The following GMDS variants were observed in gnomAD, a reference collection of about 807,000 sequenced individuals.
The protein encoded by GMDS is GDP-mannose 4,6 dehydratase.
In GMDS, 20 loss-of-function variants were observed where a neutral mutation model predicts 49.9. That is an observed-to-expected ratio of 0.40 (90% CI 0.28 to 0.58). GMDS has a LOEUF of 0.58. GMDS is among the 20% of genes least tolerant of loss of function. The probability of loss-of-function intolerance (pLI) is 0.42; values close to 1 mark genes in which losing one functional copy is unlikely to be tolerated. For synonymous variants in GMDS, 177 were observed against 178.6 expected, an observed-to-expected ratio of 0.99 and a Z score of 0.07; for missense variants, 362 against 481.4, an observed-to-expected ratio of 0.75 and a Z score of 2.32.
chr6:1,788,727 A>G (rs1027516599), intron 7 of GMDS, among the ~76,000 whole-genome samples: 3 of 152,264 alleles, frequency 2.0e-5, no homozygotes, highest in African/African-American at 7.2e-5. Flanking sequence ...ATGGAACTCT[A>G]TATTTTAGGT....
intron 9 of GMDS, among the ~76,000 whole-genome samples, chr6:1,660,073 C>T (rs1764019642): frequency 6.6e-6 from 1 of 152,004 alleles, no homozygotes; most frequent in Non-Finnish European, 1.5e-5. Context: ...TGCTTGTGTT[C>T]TTACAGGAGG....
At chr6:1,782,761 T>C (rs190773385) in intron 7 of GMDS, among the ~76,000 whole-genome samples, 127 of 152,362 alleles carry the variant, frequency 8.3e-4, no homozygotes, top group Middle Eastern at 3.4e-3. Context: ...TTTGACTAAA[T>C]GTCCACTGTG....
At chr6:2,044,362 C>A (rs967540502) in intron 4 of GMDS, among the ~76,000 whole-genome samples, 1 of 151,866 alleles carries the variant, frequency 6.6e-6, no homozygotes, top group African/African-American at 2.4e-5. Context: ...ATGTATACAC[C>A]GTGGAATACT....
At chr6:1,792,936 T>C (rs748175196) in intron 7 of GMDS, among the ~76,000 whole-genome samples, 94 of 152,212 alleles carry the variant, frequency 6.2e-4, no homozygotes, top group Non-Finnish European at 2.9e-4. Context: ...ATCTCAAGAA[T>C]TACATTCTGC....
At chr6:2,088,837 A>T (rs1192518572) in intron 4 of GMDS, among the ~76,000 whole-genome samples, 1 of 152,158 alleles carries the variant, frequency 6.6e-6, no homozygotes, top group African/African-American at 2.4e-5. Context: ...ATACACTGAG[A>T]AACTGAGAGC....
chr6:2,018,870 G>A (rs1424800767), intron 4 of GMDS, among the ~76,000 whole-genome samples: 1 of 152,060 alleles, frequency 6.6e-6, no homozygotes, highest in Non-Finnish European at 1.5e-5. Flanking sequence ...AATTGCTGGG[G>A]TACATGGTAA....
chr6:2,022,965 T>A (rs969797490), intron 4 of GMDS, among the ~76,000 whole-genome samples: 9 of 152,326 alleles, frequency 5.9e-5, no homozygotes, highest in East Asian at 1.9e-4. Context: ...AGGGTTTTTT[T>A]AATTACTTAT....
chr6:1,730,495 G>C (rs1263324668), intron 8 of GMDS, among the ~76,000 whole-genome samples: 1 of 152,142 alleles, frequency 6.6e-6, no homozygotes, highest in African/African-American at 2.4e-5. Context: ...CAGCAGTCTG[G>C]GGCCTGATTC....
At position 2,230,951 on chromosome 6, in the gene GMDS, C is replaced by G. The variant is rs868320446; in HGVS notation, c.102+14370G>C. 9.0e-4 allele frequency among the ~76,000 whole-genome samples: 89 copies of G among 99,364 alleles called. 3 individuals carry two copies. The highest frequency in any genetic ancestry group is 3.5e-3 in the African/African-American group (88 of 24,952). 65.2% of individuals were successfully genotyped at this position (99,364 alleles called of 152,430 possible). A position where few individuals can be genotyped will look rare whatever the true frequency, so the allele number is the denominator to read the frequency against. ...CTCTTCCCCCCTCCCACCCCCCCCC[C>G]CCGTTCCTTCCCCTAATACCCAGGG... On this transcript the variant is annotated intron_variant, in intron 1 of 10. Coordinates refer to ENST00000380815, the MANE Select transcript of GMDS (RefSeq NM_001500.4).
At chr6:1,754,330 A>C (rs1045903475) in intron 7 of GMDS, among the ~76,000 whole-genome samples, 1 of 152,182 alleles carries the variant, frequency 6.6e-6, no homozygotes, top group Non-Finnish European at 1.5e-5. Flanking sequence ...CCAAGACTAA[A>C]CCAGGAAGAA....
intron 1 of GMDS, among the ~76,000 whole-genome samples, chr6:2,208,760 G>A (rs1383807180): frequency 6.6e-6 from 1 of 151,260 alleles, no homozygotes; most frequent in Non-Finnish European, 1.5e-5. Flanking sequence ...CATAATTTTA[G>A]AAAGAGCATG....
At chr6:1,964,717 A>G (rs145448425) in intron 4 of GMDS, among the ~76,000 whole-genome samples, 1 of 152,174 alleles carries the variant, frequency 6.6e-6, no homozygotes, top group Non-Finnish European at 1.5e-5. Context: ...GTTTTGGGGT[A>G]CATGTGCACA....
intron 1 of GMDS, among the ~76,000 whole-genome samples, chr6:2,151,672 T>C (rs894972108): frequency 6.6e-6 from 1 of 152,072 alleles, no homozygotes; most frequent in Non-Finnish European, 1.5e-5. Flanking sequence ...AACCTACTCT[T>C]TATCTCTGAA....
intron 9 of GMDS, among the ~76,000 whole-genome samples, chr6:1,714,435 G>A (rs71550084): frequency 0.049 from 7,393 of 151,902 alleles, 196 homozygotes; most frequent in African/African-American, 0.075. Flanking sequence ...GAAGATTCTA[G>A]GTGAAGAGAA....
chr6:1,992,373 C>G (rs1390971421), intron 4 of GMDS, among the ~76,000 whole-genome samples: 2 of 152,186 alleles, frequency 1.3e-5, no homozygotes, highest in Non-Finnish European at 2.9e-5. Flanking sequence ...ATCCACTCCT[C>G]CCTCCCCTTC....
At chr6:2,244,615 T>C (rs1242441000) in intron 1 of GMDS, among the ~76,000 whole-genome samples, 2 of 152,156 alleles carry the variant, frequency 1.3e-5, no homozygotes, top group East Asian at 3.9e-4. Flanking sequence ...TCCGAAGACC[T>C]CCTCTTGATT....
At chr6:1,687,186 C>T (rs1294396280) in intron 9 of GMDS, among the ~76,000 whole-genome samples, 2 of 152,182 alleles carry the variant, frequency 1.3e-5, no homozygotes, top group African/African-American at 4.8e-5. Context: ...AACCTTCTCA[C>T]TGACAAAAAA....
At chr6:2,165,885 T>C (rs1777643637) in intron 1 of GMDS, among the ~76,000 whole-genome samples, 1 of 152,078 alleles carries the variant, frequency 6.6e-6, no homozygotes, top group Non-Finnish European at 1.5e-5. Flanking sequence ...AAATACATAG[T>C]TATTAAAATG....
chr6:1,850,973 A>G (rs920580200), intron 7 of GMDS, among the ~76,000 whole-genome samples: 3 of 152,178 alleles, frequency 2.0e-5, no homozygotes, highest in Non-Finnish European at 2.9e-5. Flanking sequence ...ACCGCAGAAC[A>G]CCCAAGTTGA....
Sources: allele counts gnomAD v4.1 joint callset (sites outside exome capture counted in the v4.1 genomes callset), GRCh38; gene constraint gnomAD v4.1.1; transcripts MANE v1.5; gene names NCBI Gene and HGNC (gene_info 2026-07-23, HGNC 2026-07-21).